Variants in CPSF1 observed in about 807,000 individuals in gnomAD.
The protein encoded by CPSF1 is cleavage and polyadenylation specific factor 1, also known as cleavage and polyadenylation specificity factor subunit 1.
Under a neutral mutation model 175.8 loss-of-function variants are expected in CPSF1, and 106 were observed. That is an observed-to-expected ratio of 0.60 (90% CI 0.52 to 0.71). CPSF1 has a LOEUF of 0.71. CPSF1 is among the 30% of genes least tolerant of loss of function. CPSF1 has a pLI of 0.00. For missense variants in CPSF1, 1,734 were observed against 2,022.9 expected (o/e 0.86, Z 2.74); for synonymous variants, 1,024 against 858.3 (o/e 1.19, Z -3.37).
chr8:144,394,936 G>A lies in CPSF1; in HGVS notation c.3360C>T (p.Tyr1120=), dbSNP rs369175155. 1.1e-4 allele frequency: 172 copies of A among 1,612,728 alleles called. No homozygotes were observed. Among genetic ancestry groups the A allele is most frequent in the East Asian group, 1.6e-4 (7 of 44,894 alleles). Residue 1120 remains tyrosine (Y), a synonymous_variant, in exon 30 of 38, where the codon TAC becomes TAT. Transcript: ENST00000616140. The part of the protein sequence containing the change: ...SEETVSGLKG[Y]VAAGTCLMQG... ...GCATGAGGCAGGTCCCGGCGGCCAC[G>A]TAGCCTTTGAGGCCCGACACGGTCT...
Position 144,398,420 on chromosome 8 carries a change from G to T in CPSF1, c.1776C>A (p.Ile592=). 1 of 1,613,836 alleles carries T rather than the reference G, an allele frequency of 6.2e-7. No individual in the cohort carries two copies. The highest frequency in any genetic ancestry group is 1.3e-5 in the African/African-American group (1 of 75,054). Residue 592 remains isoleucine, a synonymous_variant, in exon 19 of 38, where the codon ATC becomes ATA. Coordinates refer to ENST00000616140, the MANE Select transcript of CPSF1 (RefSeq NM_013291.3). Reference sequence around the variant, plus strand: ...CGAAGCCACTGGTGTCCAGCTCCATGATCTCCTGCCCCGTCTGCAGGATCT... The same window carrying T: ...CGAAGCCACTGGTGTCCAGCTCCATTATCTCCTGCCCCGTCTGCAGGATCT... ...STMILQTGQE[I]MELDTSGFAT...
intron 1 of CPSF1, 50 bp from the exon 2 acceptor site, chr8:144,409,222 C>T: frequency 7.0e-7 from 1 of 1,422,326 alleles, no homozygotes; most frequent in Non-Finnish European, 9.3e-7. Context: ...CACGCAGGAG[C>T]CCGGCCCCGC....
rs782425527 is a variant in CPSF1, at chr8:144,393,903, T to C, written c.3995A>G (p.Asn1332Ser). 1.2e-6 allele frequency: 2 copies of C among 1,612,536 alleles called. No homozygotes were observed. Among genetic ancestry groups the C allele is most frequent in the Non-Finnish European group, 1.7e-6 (2 of 1,179,418 alleles). ...GLSKKSVVWE[N>S]KHITWFATLD... ...CTCACCAAACCACGTGATGTGCTTA[T>C]TCTCCCACACGACCGACTTTTTGCT... The change falls in exon 35 of 38, where the codon AAT (asparagine) becomes AGT (serine). Residue 1332 changes from asparagine to serine, a missense_variant. Asn to Ser is a conservative substitution (Grantham distance 46). Transcript: ENST00000616140.
In CPSF1 at chr8:144,404,138, G is replaced by A. The variant is rs193060112; in HGVS notation, c.145-2465C>T. Among the ~76,000 whole-genome samples, 42 of 151,824 alleles carry A rather than the reference G, an allele frequency of 2.8e-4. No homozygotes were observed. The East Asian group carries it at 3.6e-3, about 13-fold the overall frequency. ...CTCAGGAGGCTAAGGCAGGAGAATC[G>A]CTTGAATCCGGGAGGCGGAGGTTGC... is the stretch of plus-strand genomic sequence containing the variant. On this transcript the variant is annotated intron_variant, in intron 2 of 37. Transcript: ENST00000616140.
At chr8:144,394,204 C>A in intron 33 of CPSF1, 30 bp downstream of exon 33, 6 of 1,611,506 alleles carry the variant, frequency 3.7e-6, no homozygotes, top group Non-Finnish European at 5.1e-6. Context: ...ACCCCCAGAG[C>A]CTCAGCTCCC....
chr8:144,394,417 A>G lies in CPSF1; in HGVS notation c.3706T>C (p.Tyr1236His). Residue 1236 changes from tyrosine (Y) to histidine (H), a missense_variant, in exon 32 of 38, where the codon TAC becomes CAC. Physicochemically the swap from Tyr to His is moderately conservative, Grantham distance 83. Coordinates refer to ENST00000616140, the MANE Select transcript of CPSF1 (RefSeq NM_013291.3). ...CTCAGCGTCTTGCTTTCCTCCTGGT[A>G]GCGCAGCAGCGAAATGCTCTTCATG... ...DVMKSISLLR[Y>H]QEESKTLSLV... 1 of 1,608,600 alleles carries G rather than the reference A, an allele frequency of 6.2e-7. No homozygotes were observed. Among genetic ancestry groups the G allele is most frequent in the Non-Finnish European group, 8.5e-7 (1 of 1,178,170 alleles).
chr8:144,401,197 G>C lies in CPSF1; in HGVS notation c.387+14C>G, dbSNP rs2116882574. ...CTGGGCGGGGCCTGGGCGGGGGCGG[G>C]AGCGCGGCCCTACCCGAAGCTCAGG... On this transcript the variant is annotated intron_variant, in intron 5 of 37. Coordinates refer to ENST00000616140, the MANE Select transcript of CPSF1 (RefSeq NM_013291.3). 3.9e-6 allele frequency: 6 copies of C among 1,546,686 alleles called. No homozygotes were observed. Among genetic ancestry groups the C allele is most frequent in the South Asian group, 1.2e-5 (1 of 83,968 alleles).
In CPSF1 at chr8:144,396,516, GTGAGGATGCTGTGGA is replaced by G. The variant is rs782004997; in HGVS notation, c.2827-31_2827-17del. ...AGATGAAGACCTGGGGGCAGGCACC[GTGAGGATGCTGTGGA>G]TGAGGATGCTGCGGATGAGGCCGCG... On this transcript the variant is annotated splice_polypyrimidine_tract_variant and intron_variant, in intron 25 of 37. Coordinates refer to ENST00000616140, the MANE Select transcript of CPSF1 (RefSeq NM_013291.3). 5.1e-5 allele frequency: 82 copies of G among 1,611,526 alleles called. No individual in the cohort carries two copies. The highest frequency in any genetic ancestry group is 6.5e-5 in the Non-Finnish European group (77 of 1,178,984).
rs2116906607 is a variant in CPSF1 at position 144,406,878 on chromosome 8, G to T, written c.144+2137C>A. 1.6e-4 allele frequency among the ~76,000 whole-genome samples: 24 copies of T among 152,294 alleles called. No individual in the cohort carries two copies. In the South Asian group the frequency reaches 5.0e-3, roughly 32 times the overall value. ...TCCGCAACCCCCACCAGGGTTGGTA[G>T]ATATGACCAGCAGAATATGACAGAA... On this transcript the variant is annotated intron_variant, in intron 2 of 37. Coordinates refer to ENST00000616140, the MANE Select transcript of CPSF1 (RefSeq NM_013291.3).
At chr8:144,394,334 G>A (rs782076095) in intron 32 of CPSF1, 34 bp from the exon 33 acceptor site, 4 of 1,586,246 alleles carry the variant, frequency 2.5e-6, no homozygotes, top group South Asian at 1.1e-5. Context: ...GAGGTGCCTT[G>A]GGCGGGTACC....
chr8:144,399,670 C>T lies in CPSF1; in HGVS notation c.1160G>A (p.Arg387His), dbSNP rs138361367. 12 of 1,610,254 alleles carry T rather than the reference C, an allele frequency of 7.5e-6. No individual in the cohort carries two copies. In the East Asian group the frequency reaches 1.1e-4, roughly 15 times the overall value. ...MEPGYLFLGS[R>H]LGNSLLLKYT... ...CTTGAGGAGGAGGGAATTGCCCAGG[C>T]GAGAACCCAGGAACAGGTACCCGGG... Residue 387 changes from arginine (R) to histidine (H), a missense_variant, in exon 12 of 38, where the codon CGC becomes CAC. By Grantham distance (29) the Arg-to-His change is conservative. Around this residue, in one of 10 missense-constraint regions of CPSF1, gnomAD observed 162 missense variants for 169.5 expected, o/e 0.96. Coordinates refer to ENST00000616140, the MANE Select transcript of CPSF1 (RefSeq NM_013291.3). The surrounding 1 kb of genome is among the most constrained non-coding windows in gnomAD (Gnocchi z 6.4).
Position 144,397,573 on chromosome 8 carries a change from G to C in CPSF1, c.2299C>G (p.Gln767Glu), listed in dbSNP as rs1554864442. ...GCAGGGTCCCGGTCAGCAGGGGGCT[G>C]GCTGCTTCTTCGGGCCTCCTCCTTG... ...PSKEEARRSS[Q>E]PPADRDPAPF... Residue 767 changes from glutamine to glutamate, a missense_variant, in exon 22 of 38, where the codon CAG (glutamine) becomes GAG (glutamate). Gln to Glu is a conservative substitution (Grantham distance 29). This residue lies in a region of CPSF1 where 585 missense variants were observed against 584.7 expected (regional missense o/e 1.00). Transcript: ENST00000616140. 6 of 1,544,462 alleles carry C rather than the reference G, an allele frequency of 3.9e-6. No homozygotes were observed. The highest frequency in any genetic ancestry group is 5.3e-6 in the Non-Finnish European group (6 of 1,140,238).
In CPSF1 at chr8:144,394,282, C is replaced by T. The variant is rs1820555354; in HGVS notation, c.3763G>A (p.Val1255Met). The T allele has an allele frequency of 6.3e-7, 1 of 1,596,668 alleles. No individual in the cohort carries two copies. Among genetic ancestry groups the T allele is most frequent in the Non-Finnish European group, 8.5e-7 (1 of 1,169,766 alleles). The change falls in exon 33 of 38, where the codon GTG becomes ATG. Residue 1255 changes from valine (V) to methionine (M), a missense_variant. By Grantham distance (21) the Val-to-Met change is conservative. Coordinates refer to ENST00000616140, the MANE Select transcript of CPSF1 (RefSeq NM_013291.3). ...LVSRDAKPLEVYSVDFMVDNA... is the reference protein window; with the variant it reads ...LVSRDAKPLEMYSVDFMVDNA... ...TCCACCATGAAGTCCACGCTGTACACCTCCAGGGGCTTGGCATCCTGGGGG... is the reference window on the plus strand; with the variant it reads ...TCCACCATGAAGTCCACGCTGTACATCTCCAGGGGCTTGGCATCCTGGGGG...
Position 144,404,913 on chromosome 8 carries a change from C to T in CPSF1, c.145-3240G>A, listed in dbSNP as rs1457688672. On this transcript the variant is annotated intron_variant, in intron 2 of 37. Coordinates refer to ENST00000616140, the MANE Select transcript of CPSF1 (RefSeq NM_013291.3). ...CTACTAAAAATACAAAAACATTAGTCGGGCGCCTGTAGTCCCAGCTACTCA... is the reference window on the plus strand; with the variant it reads ...CTACTAAAAATACAAAAACATTAGTTGGGCGCCTGTAGTCCCAGCTACTCA... Among the ~76,000 whole-genome samples the T allele has an allele frequency of 2.0e-5, 3 of 151,308 alleles. No individual in the cohort carries two copies. In the East Asian group the frequency reaches 5.9e-4, roughly 30 times the overall value.
At chr8:144,395,867 G>A (rs1820690177) in intron 26 of CPSF1, 1 of 499,562 alleles carries the variant, frequency 2.0e-6, no homozygotes, top group Non-Finnish European at 3.6e-6. Context: ...ACCAGGCAGA[G>A]GGAGCCAGGG....
rs1820766710 is a variant in CPSF1 at position 144,396,656 on chromosome 8, C to T, written c.2768G>A (p.Gly923Glu). The T allele has an allele frequency of 1.2e-6, 2 of 1,613,742 alleles. No homozygotes were observed. The highest frequency in any genetic ancestry group is 8.5e-7 in the Non-Finnish European group (1 of 1,180,020). ...GAAACGCGCCACGCGGCCCCGGGCC[C>T]CAGCCCCCTCCTCTGCGCCGCCACC... ...AEGGGAEEGA[G>E]ARGRVARFRY... Residue 923 changes from glycine (G) to glutamate (E), a missense_variant, in exon 25 of 38, where the codon GGG (glycine) becomes GAG (glutamate). Physicochemically the swap from Gly to Glu is moderately conservative, Grantham distance 98 (BLOSUM62 -2). This residue lies in a region of CPSF1 where 585 missense variants were observed against 584.7 expected (regional missense o/e 1.00). Transcript: ENST00000616140.
intron 4 of CPSF1, 66 bp downstream of exon 4, chr8:144,401,364 G>A (rs1586629144): frequency 2.5e-6 from 4 of 1,611,706 alleles, no homozygotes; most frequent in South Asian, 1.1e-5. Context: ...ACCAACGGCT[G>A]TACCCAGGCC....
chr8:144,394,814 G>A lies in CPSF1; in HGVS notation c.3415-18C>T, dbSNP rs558467962. The A allele has an allele frequency of 1.9e-6, 3 of 1,613,252 alleles. No homozygotes were observed. In the South Asian group the frequency reaches 3.3e-5, roughly 18 times the overall value. On this transcript the variant is annotated intron_variant, in intron 30 of 37. Transcript: ENST00000616140. ...ATCAAGATCTGGAGGGCATGGGTAT[G>A]GCTGTGGGATGGCTGTGGGGATGGC...
At chr8:144,398,734 C>T (rs1187125776) in intron 17 of CPSF1, 45 bp downstream of exon 17, 4 of 1,591,060 alleles carry the variant, frequency 2.5e-6, no homozygotes, top group South Asian at 2.3e-5. Flanking sequence ...GAGAAGGCAG[C>T]GCCGGTCCCA....
Sources: gnomAD v4.1 joint callset for allele counts (sites outside exome capture counted in the v4.1 genomes callset) on GRCh38, gnomAD v4.1.1 for gene constraint, gnomAD v4.1.1 regional missense constraint, Gnocchi (gnomAD v3.1) non-coding constraint, MANE v1.5 for transcripts, NCBI Gene and HGNC (gene_info 2026-07-23, HGNC 2026-07-21) for gene names.